The following DMXL1 variants were observed in gnomAD, a reference collection of about 807,000 sequenced individuals.
The protein encoded by DMXL1 is Dmx like 1, also known as dmX-like protein 1.
Under a neutral mutation model 319.2 loss-of-function variants are expected in DMXL1, and 99 were observed. The observed-to-expected ratio is 0.31, with a 90% CI of 0.26 to 0.37. The LOEUF is 0.37. Among genes scored for constraint, DMXL1 ranks in the 10% least tolerant of loss-of-function variants. DMXL1 has a pLI of 1.00. For synonymous variants in DMXL1, 1,385 were observed against 1,235.2 expected (o/e 1.12, Z -2.54); for missense variants, 3,745 against 3,595.6 (o/e 1.04, Z -1.06).
chr5:119,136,862 G>A (rs982242035), intron 13 of DMXL1, among the ~76,000 whole-genome samples: 1 of 152,270 alleles, frequency 6.6e-6, no homozygotes, highest in Non-Finnish European at 1.5e-5. Flanking sequence ...TGCGGCAGGG[G>A]CGAAGCCCTC....
intron 41 of DMXL1, among the ~76,000 whole-genome samples, chr5:119,239,795 A>G (rs1016808671): frequency 6.6e-6 from 1 of 151,768 alleles, no homozygotes; most frequent in African/African-American, 2.4e-5. Context: ...ATCTCTACTA[A>G]AAATACAAAA....
Position 119,174,955 on chromosome 5 carries a change from T to C in DMXL1, c.6682-306T>C, listed in dbSNP as rs544790764. ...AGATTGAGTGTTGGAGGGCTTACTTTAATACATGGTTCATGCTCTACTGGA... is the reference window on the plus strand; with the variant it reads ...AGATTGAGTGTTGGAGGGCTTACTTCAATACATGGTTCATGCTCTACTGGA... On this transcript the variant is annotated intron_variant, in intron 25 of 43. Coordinates refer to ENST00000539542, the MANE Select transcript of DMXL1 (RefSeq NM_001290321.3). Among the ~76,000 whole-genome samples, 363 of 152,338 alleles carry C rather than the reference T, an allele frequency of 2.4e-3. 2 individuals are homozygous for C. The highest frequency in any genetic ancestry group is 8.0e-3 in the African/African-American group (334 of 41,574).
intron 6 of DMXL1, among the ~76,000 whole-genome samples, chr5:119,115,688 A>C (rs987296052): frequency 6.6e-6 from 1 of 152,156 alleles, no homozygotes; most frequent in Admixed American, 6.5e-5. Flanking sequence ...TGTACAAAGA[A>C]TATTTTATAT....
At chr5:119,199,851 A>G (rs544623002) in intron 32 of DMXL1, among the ~76,000 whole-genome samples, 23 of 152,140 alleles carry the variant, frequency 1.5e-4, no homozygotes, top group African/African-American at 5.3e-4. Context: ...CTTTTTTCTT[A>G]GGCTTATTGG....
intron 42 of DMXL1, among the ~76,000 whole-genome samples, chr5:119,242,099 C>G (rs759127939): frequency 4.6e-5 from 7 of 152,110 alleles, no homozygotes; most frequent in East Asian, 1.9e-4. Context: ...ATAAAATAGA[C>G]TAGTATCTAC....
At chr5:119,232,486 A>G (rs1430589422) in intron 38 of DMXL1, among the ~76,000 whole-genome samples, 1 of 152,088 alleles carries the variant, frequency 6.6e-6, no homozygotes, top group African/African-American at 2.4e-5. Flanking sequence ...TGAGTGTTAT[A>G]TGTTAGGCAT....
chr5:119,189,905 A>C lies in DMXL1; in HGVS notation c.7314+19A>C, dbSNP rs1173869457. ...AGCTAAGGTAATTAAAATGCTATCTAGATCAATATTTTCATAGTCAAATAG... is the reference window on the plus strand; with the variant it reads ...AGCTAAGGTAATTAAAATGCTATCTCGATCAATATTTTCATAGTCAAATAG... On this transcript the variant is annotated intron_variant, in intron 29 of 43. Transcript: ENST00000539542. 1 of 1,589,016 alleles carries C rather than the reference A, an allele frequency of 6.3e-7. No individual in the cohort carries two copies. Among genetic ancestry groups the C allele is most frequent in the African/African-American group, 1.3e-5 (1 of 74,188 alleles).
chr5:119,099,083 T>TA (rs957333035), intron 2 of DMXL1, among the ~76,000 whole-genome samples: 19 of 152,212 alleles, frequency 1.2e-4, no homozygotes, highest in African/African-American at 4.6e-4. Flanking sequence ...TTAATATAGT[T>TA]ACAGGTGTCC....
At chr5:119,220,728 G>A (rs1324624696) in intron 36 of DMXL1, 135 bp downstream of exon 36, 2 of 1,224,402 alleles carry the variant, frequency 1.6e-6, no homozygotes, top group Non-Finnish European at 2.3e-6. Context: ...GCTAAATGAG[G>A]GGTGGCAAGA....
chr5:119,096,287 C>CT lies in DMXL1; in HGVS notation c.88-1691dup, dbSNP rs769892888. 1.2e-4 allele frequency among the ~76,000 whole-genome samples: 18 copies of CT among 151,956 alleles called. No individual in the cohort carries two copies. In the East Asian group the frequency reaches 1.7e-3, roughly 15 times the overall value. ...CACCTCCCGGGTTCAAGCGATTCTC[C>CT]TGCCTCAGCCTCCCAAGTAGCTGAG... On this transcript the variant is annotated intron_variant, in intron 1 of 43. Coordinates refer to ENST00000539542, the MANE Select transcript of DMXL1 (RefSeq NM_001290321.3).
intron 7 of DMXL1, among the ~76,000 whole-genome samples, chr5:119,118,283 A>G (rs1447714082): frequency 1.3e-5 from 2 of 152,184 alleles, no homozygotes; most frequent in Non-Finnish European, 2.9e-5. Flanking sequence ...GCTTTTTGTG[A>G]CAGTGTGCAG....
intron 28 of DMXL1, among the ~76,000 whole-genome samples, chr5:119,179,950 T>A (rs1422275451): frequency 2.0e-5 from 3 of 152,220 alleles, no homozygotes. Flanking sequence ...TATTTTAGGT[T>A]TTGGAGTCCA....
rs928303792 is a variant in DMXL1 at position 119,184,699 on chromosome 5, T to C, written c.7136-5009T>C. Among the ~76,000 whole-genome samples, 43 of 152,200 alleles carry C rather than the reference T, an allele frequency of 2.8e-4. 2 individuals are homozygous for C. Among genetic ancestry groups the C allele is most frequent in the African/African-American group, 9.4e-4 (39 of 41,452 alleles). ...TTCTACTCTGTTTCCAGGGATTTGATTACTTTATATACCTCATATAAGTGG... is the reference window on the plus strand; with the variant it reads ...TTCTACTCTGTTTCCAGGGATTTGACTACTTTATATACCTCATATAAGTGG... On this transcript the variant is annotated intron_variant, in intron 28 of 43. Transcript: ENST00000539542.
At chr5:119,245,541 CTTT>C (rs1189893917) in intron 43 of DMXL1, among the ~76,000 whole-genome samples, 3 of 133,770 alleles carry the variant, frequency 2.2e-5, no homozygotes, top group Non-Finnish European at 1.6e-5. Flanking sequence ...TAAGTCGGTT[CTTT>C]TTTTTTTTTT....
At chr5:119,106,382 G>A (rs984113425) in intron 4 of DMXL1, among the ~76,000 whole-genome samples, 2 of 152,156 alleles carry the variant, frequency 1.3e-5, no homozygotes, top group Non-Finnish European at 2.9e-5. Context: ...CATATTACAT[G>A]GAGGCATCAA....
chr5:119,227,786 T>C (rs1785877046), intron 38 of DMXL1, among the ~76,000 whole-genome samples: 1 of 152,182 alleles, frequency 6.6e-6, no homozygotes, highest in South Asian at 2.1e-4. Context: ...ACAGGTTCTT[T>C]TTGCTTTTAC....
chr5:119,162,306 A>G (rs561948929), intron 19 of DMXL1, among the ~76,000 whole-genome samples: 2 of 152,310 alleles, frequency 1.3e-5, no homozygotes, highest in South Asian at 2.1e-4. Flanking sequence ...GTTGCTACTT[A>G]AACTCTCTTT....
intron 25 of DMXL1, among the ~76,000 whole-genome samples, chr5:119,173,292 A>G (rs957877592): frequency 6.6e-6 from 1 of 151,366 alleles, no homozygotes; most frequent in Non-Finnish European, 1.5e-5. Flanking sequence ...GTGAGCCAAG[A>G]TCGCACCATT....
chr5:119,124,264 G>T (rs559877664), intron 9 of DMXL1, among the ~76,000 whole-genome samples: 4 of 149,920 alleles, frequency 2.7e-5, no homozygotes, highest in Admixed American at 6.6e-5. Context: ...GTAGTGAGCC[G>T]AGATTACACT....
Sources: gnomAD v4.1 joint callset for allele counts (sites outside exome capture counted in the v4.1 genomes callset) on GRCh38, gnomAD v4.1.1 for gene constraint, MANE v1.5 for transcripts, NCBI Gene and HGNC (gene_info 2026-07-23, HGNC 2026-07-21) for gene names.